Variants in MARCHF1 observed in about 807,000 individuals in gnomAD.
MARCHF1 encodes E3 ubiquitin-protein ligase MARCHF1.
MARCHF1 carries 40 observed loss-of-function variants against 54.2 expected under a neutral mutation model. That is an observed-to-expected ratio of 0.74 (90% CI 0.57 to 0.96). The LOEUF (loss-of-function observed/expected upper bound fraction) is 0.96, where lower values mean the gene tolerates loss of function less well. MARCHF1 is among the 40% of genes least tolerant of loss of function. The pLI is 0.00. For synonymous variants in MARCHF1, 236 were observed against 236.3 expected (o/e 1.00, Z 0.01); for missense variants, 586 against 656.5 (o/e 0.89, Z 1.17).
At chr4:163,992,742 ATTATAAAATATAAAATTACATTAC>A (rs1477670847) in intron 2 of MARCHF1, among the ~76,000 whole-genome samples, 1 of 149,202 alleles carries the variant, frequency 6.7e-6, no homozygotes, top group African/African-American at 2.4e-5. Flanking sequence ...AATTTTATTA[ATTATAAAATATAAAATTACATTAC>A]TTATAAAATA....
chr4:164,093,036 G>A (rs1048028871), intron 2 of MARCHF1, among the ~76,000 whole-genome samples: 2 of 152,074 alleles, frequency 1.3e-5, no homozygotes, highest in Non-Finnish European at 2.9e-5. Flanking sequence ...TAATAACTGG[G>A]TAAGATGGAA....
chr4:164,267,346 G>A (rs1733636043), intron 1 of MARCHF1, among the ~76,000 whole-genome samples: 1 of 152,262 alleles, frequency 6.6e-6, no homozygotes, highest in East Asian at 1.9e-4. Context: ...GTAATGAGAT[G>A]CCACTTCTGA....
At chr4:163,855,187 A>G (rs2111173256) in intron 3 of MARCHF1, among the ~76,000 whole-genome samples, 1 of 152,280 alleles carries the variant, frequency 6.6e-6, no homozygotes, top group Admixed American at 6.5e-5. Flanking sequence ...AGTTAAATGC[A>G]TCTGAACAAT....
intron 8 of MARCHF1, among the ~76,000 whole-genome samples, chr4:163,576,294 T>C (rs1740034483): frequency 6.6e-6 from 1 of 152,172 alleles, no homozygotes; most frequent in Admixed American, 6.6e-5. Flanking sequence ...TGTAATTGTT[T>C]ACTCAAAAGT....
chr4:164,175,884 C>T (rs11933344), intron 1 of MARCHF1, among the ~76,000 whole-genome samples: 33,350 of 151,912 alleles, frequency 0.22, 4,616 homozygotes, highest in African/African-American at 0.38. Flanking sequence ...ATCTTGGTTC[C>T]GTTTCTCTGG....
At chr4:164,117,635 C>T (rs561891767) in intron 1 of MARCHF1, among the ~76,000 whole-genome samples, 35 of 152,102 alleles carry the variant, frequency 2.3e-4, no homozygotes, top group East Asian at 5.8e-4. Context: ...CACGGTGGCT[C>T]ACATCTGTAA....
chr4:164,109,309 A>G (rs189347061), intron 2 of MARCHF1, among the ~76,000 whole-genome samples: 4 of 152,002 alleles, frequency 2.6e-5, no homozygotes, highest in Non-Finnish European at 5.9e-5. Flanking sequence ...AGGTCTCTCA[A>G]AAGAAGGGAT....
intron 4 of MARCHF1, among the ~76,000 whole-genome samples, chr4:163,805,974 C>T (rs1049188512): frequency 6.6e-6 from 1 of 152,172 alleles, no homozygotes; most frequent in African/African-American, 2.4e-5. Flanking sequence ...TAGTTTCATT[C>T]TATCCACTAT....
At chr4:163,701,695 A>C (rs1482994684) in intron 4 of MARCHF1, among the ~76,000 whole-genome samples, 1 of 152,222 alleles carries the variant, frequency 6.6e-6, no homozygotes, top group African/African-American at 2.4e-5. Context: ...TTCTACATGT[A>C]GAAAGAGATC....
intron 5 of MARCHF1, among the ~76,000 whole-genome samples, chr4:163,649,644 C>T (rs182022086): frequency 3.8e-4 from 58 of 152,090 alleles, no homozygotes; most frequent in Admixed American, 3.3e-3. Flanking sequence ...AATAAAAGAA[C>T]AAATAAACAG....
rs869216359 is a variant in MARCHF1, at chr4:164,276,961, GAGAGAGAC to G, written c.-323+106901_-323+106908del. 6.2e-3 allele frequency among the ~76,000 whole-genome samples: 773 copies of G among 125,316 alleles called. 5 individuals are homozygous for G. Among genetic ancestry groups the G allele is most frequent in the South Asian group, 0.026 (91 of 3,548 alleles). 82.2% of individuals were successfully genotyped at this position (125,316 alleles called of 152,430 possible). On this transcript the variant is annotated intron_variant, in intron 1 of 9. Transcript: ENST00000514618. ...ATATATATATATAGAGAGAGAGAGAGAGAGAGACAGAGAGAGAGAGAAAATATATGAGG... is the reference window on the plus strand; with the variant it reads ...ATATATATATATAGAGAGAGAGAGAGAGAGAGAGAGAGAAAATATATGAGG...
intron 3 of MARCHF1, among the ~76,000 whole-genome samples, chr4:163,943,748 TA>T (rs5863641): frequency 0.022 from 2,768 of 123,428 alleles, 61 homozygotes; most frequent in African/African-American, 0.054. Flanking sequence ...AAATAGAAGT[TA>T]AAAAAAAAAA....
At chr4:163,718,227 C>A (rs1745326375) in intron 4 of MARCHF1, among the ~76,000 whole-genome samples, 1 of 152,172 alleles carries the variant, frequency 6.6e-6, no homozygotes, top group Non-Finnish European at 1.5e-5. Context: ...CAATACCATT[C>A]AGGACATAGG....
chr4:164,018,989 T>G (rs1466632246), intron 2 of MARCHF1, among the ~76,000 whole-genome samples: 1 of 152,200 alleles, frequency 6.6e-6, no homozygotes, highest in East Asian at 1.9e-4. Context: ...TGAAAGTGTT[T>G]GTCTCTTATT....
At chr4:164,203,100 G>A (rs1448460513) in intron 1 of MARCHF1, among the ~76,000 whole-genome samples, 1 of 152,032 alleles carries the variant, frequency 6.6e-6, no homozygotes, top group African/African-American at 2.4e-5. Context: ...GAAAGCCCTG[G>A]ATTTCAGTGC....
intron 1 of MARCHF1, among the ~76,000 whole-genome samples, chr4:164,361,135 C>T (rs969420582): frequency 6.6e-6 from 1 of 151,902 alleles, no homozygotes; most frequent in African/African-American, 2.4e-5. Context: ...CTAAACATGA[C>T]CAAAGCATAT....
At chr4:164,346,602 A>ATG (rs1730107145) in intron 1 of MARCHF1, among the ~76,000 whole-genome samples, 16 of 26,906 alleles carry the variant, frequency 5.9e-4, no homozygotes, top group South Asian at 1.3e-3. Flanking sequence ...GTATGTATGT[A>ATG]TGTATATATA....
At chr4:163,564,288 C>A (rs1191197573) in intron 8 of MARCHF1, among the ~76,000 whole-genome samples, 2 of 152,094 alleles carry the variant, frequency 1.3e-5, no homozygotes, top group Non-Finnish European at 2.9e-5. Context: ...CCTGATCTGT[C>A]AAATCACAAT....
At chr4:163,978,142 T>G (rs1285255869) in intron 3 of MARCHF1, among the ~76,000 whole-genome samples, 1 of 152,206 alleles carries the variant, frequency 6.6e-6, no homozygotes. Flanking sequence ...TAGATTTCAC[T>G]TATCTAAGGC....
Sources: gnomAD v4.1 joint callset for allele counts (sites outside exome capture counted in the v4.1 genomes callset) on GRCh38, gnomAD v4.1.1 for gene constraint, MANE v1.5 for transcripts, NCBI Gene and HGNC (gene_info 2026-07-23, HGNC 2026-07-21) for gene names.